The following MUC4 variants were observed in gnomAD, a reference collection of about 807,000 sequenced individuals.
The protein encoded by MUC4 is mucin-4.
MUC4 carries 202 observed loss-of-function variants against 257.9 expected under a neutral mutation model. The observed-to-expected ratio is 0.78, with a 90% CI of 0.70 to 0.88. MUC4 has a LOEUF of 0.88. Among genes scored for constraint, MUC4 ranks in the 40% least tolerant of loss-of-function variants. The pLI is 0.00. For synonymous variants in MUC4, 2,351 were observed against 2,757.1 expected (o/e 0.85, Z 4.62); for missense variants, 5,976 against 6,513.7 (o/e 0.92, Z 2.84).
intron 2 of MUC4, 38 bp from the exon 3 acceptor site, chr3:195,778,493 A>G (rs755593537): frequency 1.9e-6 from 3 of 1,604,214 alleles, no homozygotes; most frequent in African/African-American, 1.3e-5. Flanking sequence ...TGTTTCTTAC[A>G]GTAACAAAAC....
Position 195,781,866 on chromosome 3 carries a change from AGGGCTAGTGACAGGAAGAGGCGTG to A in MUC4, c.9690_9713del (p.Thr3231_Pro3238del). The A allele has an allele frequency of 1.1e-6, 1 of 937,936 alleles. No homozygotes were observed. The highest frequency in any genetic ancestry group is 1.4e-6 in the Non-Finnish European group (1 of 730,124). The allele number at this position is 937,936 out of a possible 1,614,324, so 58.1% of individuals were successfully genotyped here. A position where few individuals can be genotyped will look rare whatever the true frequency, so the allele number is the denominator to read the frequency against. On this transcript the variant is annotated inframe_deletion, in exon 2 of 25. Transcript: ENST00000463781. ...TGGCATGACCGGTGGATGCTGAGGA[AGGGCTAGTGACAGGAAGAGGCGTG>A]GTGTCACCTGTGGATACTGAGGAAA...
rs766537013 is a variant in MUC4, at chr3:195,778,427, G to T, written c.12819C>A (p.Asp4273Glu). The T allele has an allele frequency of 6.2e-7, 1 of 1,612,932 alleles. No homozygotes were observed. Among genetic ancestry groups the T allele is most frequent in the East Asian group, 2.2e-5 (1 of 44,880 alleles). Residue 4273 changes from aspartate (D) to glutamate (E), a missense_variant, in exon 3 of 25, where the codon GAC (aspartate) becomes GAA (glutamate). By Grantham distance (45) the Asp-to-Glu change is conservative (BLOSUM62 2). Coordinates refer to ENST00000463781, the MANE Select transcript of MUC4 (RefSeq NM_018406.7). ...GTGATGTGGCTGTGCGTCTCCCACC[G>T]TCTGTCTTCAGTGACGGTGTTGTCA... The part of the protein sequence containing the change: ...PGMTTPSLKT[D>E]GGRRTATSPP...
chr3:195,768,893 A>G, intron 7 of MUC4, 129 bp downstream of exon 7: 1 of 1,229,086 alleles, frequency 8.1e-7, no homozygotes, highest in Non-Finnish European at 1.1e-6. Context: ...AGCTGGAGTC[A>G]GCGTGAGTCA....
intron 1 of MUC4, among the ~76,000 whole-genome samples, chr3:195,795,018 A>G (rs1292681764): frequency 1.3e-5 from 2 of 152,304 alleles, no homozygotes; most frequent in African/African-American, 4.8e-5. Flanking sequence ...TTAAACGGAA[A>G]CTTCCTTTAG....
At position 195,746,864 on chromosome 3, in the gene MUC4, G is replaced by T; in HGVS notation, c.*312C>A. The T allele has an allele frequency of 2.2e-6, 1 of 452,476 alleles. No homozygotes were observed. The highest frequency in any genetic ancestry group is 3.9e-6 in the Non-Finnish European group (1 of 256,288). The allele number at this position is 452,476 out of a possible 1,614,324, so 28.0% of individuals were successfully genotyped here. A position where few individuals can be genotyped will look rare whatever the true frequency, so the allele number is the denominator to read the frequency against. On this transcript the variant is annotated 3_prime_UTR_variant, in exon 25 of 25. Transcript: ENST00000463781. ...GCAGAAGCATTTTGCTTAACTTAGG[G>T]CCATCACCACATTATGAACTCGTGT...
At chr3:195,760,800 AC>A (rs1718719887) in intron 16 of MUC4, 83 bp downstream of exon 16, 1 of 1,136,978 alleles carries the variant, frequency 8.8e-7, no homozygotes. Flanking sequence ...ATGCAGATGC[AC>A]AGGGAAAAGC....
rs1490930176 is a variant in MUC4 at position 195,784,985 on chromosome 3, A to G, written c.6595T>C (p.Ser2199Pro). 1 of 1,489,678 alleles carries G rather than the reference A, an allele frequency of 6.7e-7. No individual in the cohort carries two copies. The highest frequency in any genetic ancestry group is 1.5e-5 in the African/African-American group (1 of 67,072). The allele number at this position is 1,489,678 out of a possible 1,614,324, so 92.3% of individuals were successfully genotyped here. ...GTGGCCTGACCTGTGGATGCTGAGG[A>G]AGTGTCGGTGACAGGAAGAGGGGTG... is the stretch of plus-strand genomic sequence containing the variant. ...HATPLPVTDT[S>P]SASTGQATPL... is the part of the protein sequence containing the mutation. The change falls in exon 2 of 25, where the codon TCC becomes CCC. Residue 2199 changes from serine to proline, a missense_variant. Transcript: ENST00000463781.
Position 195,763,438 on chromosome 3 carries a change from C to A in MUC4, c.14248G>T (p.Val4750Phe). The A allele has an allele frequency of 7.1e-7, 1 of 1,411,878 alleles. No individual in the cohort carries two copies. Among genetic ancestry groups the A allele is most frequent in the Non-Finnish European group, 9.3e-7 (1 of 1,078,434 alleles). The allele number at this position is 1,411,878 out of a possible 1,614,324, so 87.5% of individuals were successfully genotyped here. A position where few individuals can be genotyped will look rare whatever the true frequency, so the allele number is the denominator to read the frequency against. The change falls in exon 12 of 25, where the codon GTC becomes TTC. Residue 4750 changes from valine (V) to phenylalanine (F), a missense_variant. Physicochemically the swap from Val to Phe is conservative, Grantham distance 50. Coordinates refer to ENST00000463781, the MANE Select transcript of MUC4 (RefSeq NM_018406.7). The stretch of plus-strand genomic sequence containing the variant: ...TCCCGGCACCCCTCACTCACCGTGA[C>A]GGGGCCCAGGCTGCTGGAGCGGTAC... Reference protein sequence around the residue: ...AQYRSSSLGPVTVQWLLEPHD... With the variant: ...AQYRSSSLGPFTVQWLLEPHD...
At chr3:195,760,011 G>A (rs60688796) in intron 16 of MUC4, among the ~76,000 whole-genome samples, 3,405 of 149,502 alleles carry the variant, frequency 0.023, 129 homozygotes, top group African/African-American at 0.076. Context: ...ACCTCTTCAC[G>A]GGTCTGTTTC....
At chr3:195,804,089 C>A (rs919007690) in intron 1 of MUC4, among the ~76,000 whole-genome samples, 10 of 152,218 alleles carry the variant, frequency 6.6e-5, no homozygotes, top group Non-Finnish European at 1.3e-4. Flanking sequence ...TTAAGACATT[C>A]TCTCAGAGGA....
intron 1 of MUC4, among the ~76,000 whole-genome samples, chr3:195,796,862 C>T (rs1419793541): frequency 6.6e-6 from 1 of 152,014 alleles, no homozygotes; most frequent in African/African-American, 2.4e-5. Context: ...GGTTGGAAAC[C>T]AAAGATAGGA....
In MUC4 at chr3:195,779,298, GGC is replaced by G; in HGVS notation, c.12280_12281del (p.Ala4094HisfsTer15). The G allele has an allele frequency of 7.9e-7, 1 of 1,265,510 alleles. No homozygotes were observed. Among genetic ancestry groups the G allele is most frequent in the Non-Finnish European group, 1.1e-6 (1 of 936,260 alleles). 78.4% of individuals were successfully genotyped at this position (1,265,510 alleles called of 1,614,324 possible). A position where few individuals can be genotyped will look rare whatever the true frequency, so the allele number is the denominator to read the frequency against. On this transcript the variant is annotated frameshift_variant, in exon 2 of 25. Transcript: ENST00000463781. LOFTEE classifies it high-confidence loss of function. ...TDASSASTGH[A>X]TPLPLTSLSS... is the part of the protein sequence containing the mutation. ...AAAGGCTGGTGAGAGGAAGAGGGGT[GGC>G]GTGACCGGTGGATGCTGAGGAAGCA...
rs773674525 is a variant in MUC4, at chr3:195,752,377, G to A, written c.15578C>T (p.Ala5193Val). 21 of 1,613,362 alleles carry A rather than the reference G, an allele frequency of 1.3e-5. No individual in the cohort carries two copies. Among genetic ancestry groups the A allele is most frequent in the Non-Finnish European group, 1.8e-5 (21 of 1,179,238 alleles). ...EENASMAEVNASVAYRLGTLD... is the reference protein window; with the variant it reads ...EENASMAEVNVSVAYRLGTLD... ...AGCGCGGCCTGCAGCACTGACCGAG[G>A]CGTTGACTTCTGCCATGGAGGCATT... The change falls in exon 21 of 25, where the codon GCC becomes GTC. Residue 5193 changes from alanine (A) to valine (V), a missense_variant. Ala to Val is a moderately conservative substitution (Grantham distance 64, BLOSUM62 0). Transcript: ENST00000463781.
chr3:195,747,503 G>T, intron 24 of MUC4, 123 bp from the exon 25 acceptor site: 2 of 1,166,156 alleles, frequency 1.7e-6, no homozygotes, highest in Non-Finnish European at 2.4e-6. Flanking sequence ...TCTCCGGAGA[G>T]ACTGAGTCAG....
chr3:195,787,932 A>T lies in MUC4; in HGVS notation c.3648T>A (p.Pro1216=), dbSNP rs1364017157. 3 of 1,007,686 alleles carry T rather than the reference A, an allele frequency of 3.0e-6. No homozygotes were observed. Among genetic ancestry groups the T allele is most frequent in the African/African-American group, 3.8e-5 (1 of 26,538 alleles). 62.4% of individuals were successfully genotyped at this position (1,007,686 alleles called of 1,614,324 possible). ...TSSASTGHAT[P]LPVTDASSVS... The stretch of plus-strand genomic sequence containing the variant: ...CTGAGGAAGCGTCGGTGACAGGAAG[A>T]GGGGTGGCGTGTCCTGTGGATGCTG... Residue 1216 remains proline, a synonymous_variant, in exon 2 of 25, where the codon CCT becomes CCA. Transcript: ENST00000463781.
At chr3:195,796,969 G>A (rs192525310) in intron 1 of MUC4, among the ~76,000 whole-genome samples, 4 of 152,214 alleles carry the variant, frequency 2.6e-5, no homozygotes, top group Non-Finnish European at 5.9e-5. Context: ...ATGGCCGGGC[G>A]CGGCGGCTCA....
At position 195,786,745 on chromosome 3, in the gene MUC4, C is replaced by T. The variant is rs1388173492; in HGVS notation, c.4835G>A (p.Gly1612Asp). 1 of 1,513,894 alleles carries T rather than the reference C, an allele frequency of 6.6e-7. No homozygotes were observed. Among genetic ancestry groups the T allele is most frequent in the East Asian group, 2.5e-5 (1 of 39,484 alleles). 93.8% of individuals were successfully genotyped at this position (1,513,894 alleles called of 1,614,324 possible). Residue 1612 changes from glycine to aspartate, a missense_variant, in exon 2 of 25, where the codon GGT becomes GAT. Physicochemically the swap from Gly to Asp is moderately conservative, Grantham distance 94. This residue lies in a region of MUC4 where 61 missense variants were observed against 100.2 expected (regional missense o/e 0.61). Transcript: ENST00000463781. Reference protein sequence around the residue: ...PVTSPSSASTGHTTPLPVTDT... With the variant: ...PVTSPSSASTDHTTPLPVTDT... ...GGTGACAGGAAGAGGGGTGGTGTGACCTGTAGATGCTGAGGAAGGGCTGGT... is the reference window on the plus strand; with the variant it reads ...GGTGACAGGAAGAGGGGTGGTGTGATCTGTAGATGCTGAGGAAGGGCTGGT...
In MUC4 at chr3:195,767,877, T is replaced by C. The variant is rs1177524012; in HGVS notation, c.13530-1126A>G. On this transcript the variant is annotated intron_variant, in intron 7 of 24. Transcript: ENST00000463781. ...ACCATCACCCCCAACACCACCACCA[T>C]CACCACCATCACCACCACCATCACC... Among the ~76,000 whole-genome samples the C allele has an allele frequency of 7.4e-4, 55 of 74,716 alleles. 1 individual carries two copies. Among genetic ancestry groups the C allele is most frequent in the South Asian group, 5.8e-3 (13 of 2,228 alleles). The allele number at this position is 74,716 out of a possible 152,430, so 49.0% of individuals were successfully genotyped here.
rs1328385273 is a variant in MUC4, at chr3:195,781,085, T to C, written c.10495A>G (p.Thr3499Ala). The change falls in exon 2 of 25, where the codon ACA becomes GCA. Residue 3499 changes from threonine (T) to alanine (A), a missense_variant. Transcript: ENST00000463781. Reference sequence around the variant, plus strand: ...ACAGGAAGAGTGCTGGTGTCACCTGTGGATGCTGAGGAAGGGATGGTGACA... The same window carrying C: ...ACAGGAAGAGTGCTGGTGTCACCTGCGGATGCTGAGGAAGGGATGGTGACA... ...LHVTIPSSAS[T>A]GDTSTLPVTG... 3.4e-6 allele frequency: 5 copies of C among 1,490,772 alleles called. No homozygotes were observed. The highest frequency in any genetic ancestry group is 1.6e-5 in the African/African-American group (1 of 60,724). The allele number at this position is 1,490,772 out of a possible 1,614,324, so 92.3% of individuals were successfully genotyped here.
Sources: allele counts gnomAD v4.1 joint callset (sites outside exome capture counted in the v4.1 genomes callset), GRCh38; gene constraint gnomAD v4.1.1; regional missense constraint gnomAD v4.1.1; transcripts MANE v1.5; gene names NCBI Gene and HGNC (gene_info 2026-07-23, HGNC 2026-07-21).